The following ATP8B1 variants were observed in gnomAD, a reference collection of about 807,000 sequenced individuals.
ATP8B1 encodes ATPase phospholipid transporting 8B1, also known as phospholipid-transporting ATPase IC.
In ATP8B1, 80 loss-of-function variants were observed where a neutral mutation model predicts 149.9. That is an observed-to-expected ratio of 0.53 (90% confidence interval 0.45 to 0.64). The LOEUF (loss-of-function observed/expected upper bound fraction) is 0.64, where lower values mean the gene tolerates loss of function less well. Ranked by LOEUF, ATP8B1 falls within the 30% of genes least tolerant of loss-of-function variation. The pLI is 0.00. For synonymous variants in ATP8B1, 536 were observed against 562.8 expected (o/e 0.95, Z 0.67); for missense variants, 1,247 against 1,552.6 (o/e 0.80, Z 3.31).
intron 12 of ATP8B1, 107 bp downstream of exon 12, chr18:57,691,700 G>A: frequency 7.2e-7 from 1 of 1,385,924 alleles, no homozygotes; most frequent in Non-Finnish European, 9.8e-7. Flanking sequence ...TTTCTTACCT[G>A]TTCTTTGTGA....
At chr18:57,688,064 T>C (rs536215764) in intron 13 of ATP8B1, among the ~76,000 whole-genome samples, 26 of 152,254 alleles carry the variant, frequency 1.7e-4, no homozygotes, top group African/African-American at 6.0e-4. Flanking sequence ...ATTACAGGCC[T>C]GAGCCACCAC....
intron 2 of ATP8B1, among the ~76,000 whole-genome samples, chr18:57,720,815 T>C (rs947525275): frequency 6.6e-6 from 1 of 151,092 alleles, no homozygotes; most frequent in Non-Finnish European, 1.5e-5. Flanking sequence ...AAAGTTGAAA[T>C]GAAAGAAAAA....
chr18:57,752,993 T>C (rs1271018864), intron 1 of ATP8B1, among the ~76,000 whole-genome samples: 1 of 152,150 alleles, frequency 6.6e-6, no homozygotes, highest in Non-Finnish European at 1.5e-5. Context: ...TCCTTTCTCC[T>C]CAATCACACT....
chr18:57,688,765 A>T, intron 12 of ATP8B1: 1 of 479,066 alleles, frequency 2.1e-6, no homozygotes, highest in South Asian at 2.1e-5. Flanking sequence ...AAGTGGCTCA[A>T]AGGAGCTTGC....
At chr18:57,688,814 C>T (rs1340386517) in intron 12 of ATP8B1, 2 of 402,250 alleles carry the variant, frequency 5.0e-6, no homozygotes, top group Non-Finnish European at 9.3e-6. Flanking sequence ...CTAGAAGGCA[C>T]CGGCTGTGCC....
intron 1 of ATP8B1, among the ~76,000 whole-genome samples, chr18:57,779,710 C>G (rs572904775): frequency 2.0e-4 from 31 of 152,208 alleles, no homozygotes; most frequent in African/African-American, 6.5e-4. Flanking sequence ...CCAGCCCAAC[C>G]AACATGGTGA....
Position 57,731,372 on chromosome 18 carries a change from T to C in ATP8B1, c.181+255A>G, listed in dbSNP as rs12606419. 196,657 of 198,680 alleles carry C rather than the reference T, an allele frequency of 0.99. 97,364 individuals are homozygous for C. The highest frequency in any genetic ancestry group is 1 in the Non-Finnish European group (98,204 of 98,394). The allele number at this position is 198,680 out of a possible 1,614,324, so 12.3% of individuals were successfully genotyped here. A position where few individuals can be genotyped will look rare whatever the true frequency, so the allele number is the denominator to read the frequency against. On this transcript the variant is annotated intron_variant, in intron 2 of 27. Coordinates refer to ENST00000648908, the MANE Select transcript of ATP8B1 (RefSeq NM_001374385.1). ...ATATATATATATATATATATATATA[T>C]ATACACACACTAACAAAGACCTTAA...
rs554219631 is a variant in ATP8B1, at chr18:57,711,978, C to T, written c.182-5391G>A. 2.3e-4 allele frequency among the ~76,000 whole-genome samples: 35 copies of T among 151,740 alleles called. 1 individual carries two copies. The highest frequency in any genetic ancestry group is 8.5e-4 in the Admixed American group (13 of 15,236). On this transcript the variant is annotated intron_variant, in intron 2 of 27. Transcript: ENST00000648908. ...CTTCATTTTCATTCTGGACCCTTTT[C>T]TAATTGGATCATTTACATGTATTAC...
intron 15 of ATP8B1, among the ~76,000 whole-genome samples, chr18:57,677,468 A>T (rs1474832539): frequency 7.7e-6 from 1 of 130,584 alleles, no homozygotes; most frequent in Non-Finnish European, 1.7e-5. Context: ...TACTTTGACC[A>T]GGATGAAGGC....
intron 1 of ATP8B1, chr18:57,736,960 CAT>C (rs2079863216): frequency 1.3e-5 from 2 of 152,050 alleles, no homozygotes; most frequent in African/African-American, 4.8e-5. Flanking sequence ...TATATGGAAA[CAT>C]TTTTTATTGT....
At chr18:57,780,646 AAATAC>A (rs1899826289) in intron 1 of ATP8B1, among the ~76,000 whole-genome samples, 1 of 152,220 alleles carries the variant, frequency 6.6e-6, no homozygotes, top group African/African-American at 2.4e-5. Flanking sequence ...AAACCCTAAG[AAATAC>A]ACTTGTTCAA....
intron 26 of ATP8B1, among the ~76,000 whole-genome samples, chr18:57,650,867 A>G (rs752964862): frequency 2.0e-5 from 3 of 152,284 alleles, no homozygotes; most frequent in Middle Eastern, 3.4e-3. Context: ...AAAAAAGAAC[A>G]TAGTTAATAT....
intron 26 of ATP8B1, 141 bp downstream of exon 26, chr18:57,651,893 C>A: frequency 3.6e-6 from 4 of 1,122,336 alleles, no homozygotes; most frequent in Non-Finnish European, 5.2e-6. Flanking sequence ...CTCGGCCTCC[C>A]AAAATGCTGG....
intron 20 of ATP8B1, among the ~76,000 whole-genome samples, chr18:57,666,867 C>T (rs1236770743): frequency 1.3e-5 from 2 of 152,164 alleles, no homozygotes; most frequent in Admixed American, 1.3e-4. Context: ...AAAATGGCCT[C>T]TGAAGGGCCC....
chr18:57,692,016 T>G lies in ATP8B1; in HGVS notation c.1030-19A>C. ...CAAAGATCTAGAAGACAGAAAACAT[T>G]TAAATGCATTCTGAAGATGGATTTC... is the stretch of plus-strand genomic sequence containing the variant. On this transcript the variant is annotated intron_variant, in intron 11 of 27. Transcript: ENST00000648908. 1.9e-6 allele frequency: 3 copies of G among 1,602,004 alleles called. No individual in the cohort carries two copies. Among genetic ancestry groups the G allele is most frequent in the Non-Finnish European group, 2.6e-6 (3 of 1,174,402 alleles).
intron 1 of ATP8B1, among the ~76,000 whole-genome samples, chr18:57,758,728 T>C (rs2080111943): frequency 6.6e-6 from 1 of 152,148 alleles, no homozygotes; most frequent in African/African-American, 2.4e-5. Context: ...AAAATATATG[T>C]TCTTTTGCAC....
At chr18:57,789,916 A>G (rs369711954) in intron 1 of ATP8B1, among the ~76,000 whole-genome samples, 1 of 152,130 alleles carries the variant, frequency 6.6e-6, no homozygotes, top group African/African-American at 2.4e-5. Flanking sequence ...ACCCAATCCT[A>G]TGTTGCAATT....
intron 2 of ATP8B1, among the ~76,000 whole-genome samples, chr18:57,710,141 A>T (rs1382529292): frequency 6.6e-6 from 1 of 151,986 alleles, no homozygotes; most frequent in Non-Finnish European, 1.5e-5. Context: ...TGCCTGGCTC[A>T]TCTCATTTTC....
chr18:57,767,893 G>C (rs1281337385), intron 1 of ATP8B1, among the ~76,000 whole-genome samples: 2 of 152,044 alleles, frequency 1.3e-5, no homozygotes, highest in African/African-American at 4.8e-5. Context: ...GACTTGCCAG[G>C]CATTTTGGTT....
Sources: allele counts gnomAD v4.1 joint callset (sites outside exome capture counted in the v4.1 genomes callset), GRCh38; gene constraint gnomAD v4.1.1; transcripts MANE v1.5; gene names NCBI Gene and HGNC (gene_info 2026-07-23, HGNC 2026-07-21).